Variants in F13A1 observed in about 807,000 individuals in gnomAD.
The protein encoded by F13A1 is coagulation factor XIII A chain.
Under a neutral mutation model 80.1 loss-of-function variants are expected in F13A1, and 47 were observed. The ratio of observed to expected loss-of-function variants is 0.59; its 90% CI spans 0.46 to 0.75. The LOEUF (loss-of-function observed/expected upper bound fraction) is 0.75. Ranked by LOEUF, F13A1 falls within the 30% of genes least tolerant of loss-of-function variation. The pLI is 0.00. For synonymous variants in F13A1, 349 were observed against 344.9 expected (o/e 1.01, Z -0.13); for missense variants, 817 against 930.4 (o/e 0.88, Z 1.59).
intron 13 of F13A1, among the ~76,000 whole-genome samples, chr6:6,163,720 G>A (rs1407438620): frequency 1.3e-5 from 2 of 152,146 alleles, no homozygotes; most frequent in African/African-American, 4.8e-5. Flanking sequence ...ACCATTGATG[G>A]GCATTTAGGT....
intron 3 of F13A1, among the ~76,000 whole-genome samples, chr6:6,301,898 A>G (rs1758437550): frequency 6.6e-6 from 1 of 152,156 alleles, no homozygotes; most frequent in African/African-American, 2.4e-5. Context: ...GCTAGAGTTC[A>G]CCTTGAGATC....
chr6:6,291,667 A>G (rs2113157871), intron 3 of F13A1, among the ~76,000 whole-genome samples: 1 of 152,234 alleles, frequency 6.6e-6, no homozygotes, highest in Non-Finnish European at 1.5e-5. Flanking sequence ...GTGACACTGC[A>G]ACCCCCTTAT....
chr6:6,181,179 GCTT>G (rs1438565656), intron 11 of F13A1, among the ~76,000 whole-genome samples: 4 of 152,144 alleles, frequency 2.6e-5, no homozygotes, highest in African/African-American at 9.7e-5. Context: ...CCCCTGTCCA[GCTT>G]CTTTAACCGA....
intron 3 of F13A1, among the ~76,000 whole-genome samples, chr6:6,282,461 A>G (rs964131140): frequency 3.3e-5 from 5 of 152,212 alleles, no homozygotes; most frequent in Non-Finnish European, 7.3e-5. Flanking sequence ...CATTCTATCA[A>G]TAATAATTTT....
intron 8 of F13A1, among the ~76,000 whole-genome samples, chr6:6,213,301 G>A (rs1203404646): frequency 6.6e-6 from 1 of 151,924 alleles, no homozygotes; most frequent in Non-Finnish European, 1.5e-5. Context: ...TACCCTCAAA[G>A]GGAAGCCCAT....
chr6:6,305,795 A>G (rs1169386519), intron 2 of F13A1: 1 of 491,874 alleles, frequency 2.0e-6, no homozygotes, highest in East Asian at 3.9e-5. Flanking sequence ...ACTGTGGGAT[A>G]GATGGATGCC....
intron 6 of F13A1, among the ~76,000 whole-genome samples, chr6:6,239,328 G>C (rs893949918): frequency 1.3e-5 from 2 of 152,122 alleles, no homozygotes; most frequent in African/African-American, 4.8e-5. Flanking sequence ...GGTGGGGATT[G>C]ACCGGAAGAA....
chr6:6,254,712 T>A (rs1390965867), intron 4 of F13A1, among the ~76,000 whole-genome samples: 3 of 152,178 alleles, frequency 2.0e-5, no homozygotes, highest in African/African-American at 7.2e-5. Flanking sequence ...AATGTACATG[T>A]GTGTTTATTT....
intron 2 of F13A1, among the ~76,000 whole-genome samples, chr6:6,310,521 G>A (rs961852180): frequency 6.6e-6 from 1 of 152,042 alleles, no homozygotes; most frequent in African/African-American, 2.4e-5. Flanking sequence ...TATTGTTGTT[G>A]TTATTATTAT....
intron 3 of F13A1, among the ~76,000 whole-genome samples, chr6:6,285,228 A>G (rs1173052021): frequency 6.6e-6 from 1 of 152,220 alleles, no homozygotes; most frequent in Admixed American, 6.5e-5. Context: ...CGGCATGGGC[A>G]CCAGAGCGAG....
intron 10 of F13A1, among the ~76,000 whole-genome samples, chr6:6,190,327 G>A (rs1761162794): frequency 6.6e-6 from 1 of 152,186 alleles, no homozygotes. Context: ...CAGTTTTTCT[G>A]CTCTGTTTTT....
Position 6,145,336 on chromosome 6 carries a change from A to G in F13A1, c.*283T>C. The G allele has an allele frequency of 2.3e-6, 1 of 444,242 alleles. No individual in the cohort carries two copies. The allele number at this position is 444,242 out of a possible 1,614,324, so 27.5% of individuals were successfully genotyped here. On this transcript the variant is annotated 3_prime_UTR_variant, in exon 15 of 15. Coordinates refer to ENST00000264870, the MANE Select transcript of F13A1 (RefSeq NM_000129.4). ...TTTGGAGATGTAGCCATTTGTGATG[A>G]TAAATGATGACTGTTACTCTTATGA... is the stretch of plus-strand genomic sequence containing the variant.
intron 13 of F13A1, among the ~76,000 whole-genome samples, chr6:6,156,766 A>AT (rs1455967661): frequency 6.6e-6 from 1 of 152,240 alleles, no homozygotes; most frequent in Non-Finnish European, 1.5e-5. Flanking sequence ...ACCTAGGGCT[A>AT]TTTATAATTA....
intron 3 of F13A1, among the ~76,000 whole-genome samples, chr6:6,275,003 G>A (rs548875377): frequency 6.6e-6 from 1 of 152,208 alleles, no homozygotes; most frequent in African/African-American, 2.4e-5. Context: ...TGTAGAGTGT[G>A]TCCTAGGGAG....
rs73718705 is a variant in F13A1, at chr6:6,277,602, G to A, written c.320-10793C>T. ...TGACTAACTAACTCACATTCCACCA[G>A]CCACAACTACAGTTTTGATTGCGTA... On this transcript the variant is annotated intron_variant, in intron 3 of 14. Coordinates refer to ENST00000264870, the MANE Select transcript of F13A1 (RefSeq NM_000129.4). 4.6e-3 allele frequency among the ~76,000 whole-genome samples: 693 copies of A among 152,250 alleles called. 9 individuals are homozygous for A. The highest frequency in any genetic ancestry group is 0.016 in the African/African-American group (673 of 41,554).
At chr6:6,218,866 T>C (rs1328696585) in intron 8 of F13A1, among the ~76,000 whole-genome samples, 1 of 152,122 alleles carries the variant, frequency 6.6e-6, no homozygotes, top group Non-Finnish European at 1.5e-5. Context: ...AATACACCTC[T>C]CACACCCTCT....
At chr6:6,175,299 C>G (rs1260280599) in intron 11 of F13A1, among the ~76,000 whole-genome samples, 1 of 152,190 alleles carries the variant, frequency 6.6e-6, no homozygotes, top group South Asian at 2.1e-4. Context: ...TAACTTTTCT[C>G]TCTGATTTGT....
chr6:6,243,132 C>T lies in F13A1; in HGVS notation c.798+5180G>A, dbSNP rs944897878. 5.9e-5 allele frequency among the ~76,000 whole-genome samples: 9 copies of T among 151,894 alleles called. No individual in the cohort carries two copies. Among genetic ancestry groups the T allele is most frequent in the African/African-American group, 2.2e-4 (9 of 41,330 alleles). ...CCACCACCACTACCACTATCACCACCATCATAAATCACCACCACCACCACA... is the reference window on the plus strand; with the variant it reads ...CCACCACCACTACCACTATCACCACTATCATAAATCACCACCACCACCACA... On this transcript the variant is annotated intron_variant, in intron 6 of 14. Transcript: ENST00000264870. This position sits in a 1 kb window ranked among gnomAD's most constrained non-coding sequence, Gnocchi z 4.2.
intron 4 of F13A1, among the ~76,000 whole-genome samples, chr6:6,264,248 T>C (rs1234895280): frequency 6.6e-6 from 1 of 152,202 alleles, no homozygotes; most frequent in East Asian, 1.9e-4. Context: ...TGCAGACACA[T>C]ATCCCATTTA....
Sources: allele counts gnomAD v4.1 joint callset (sites outside exome capture counted in the v4.1 genomes callset), GRCh38; gene constraint gnomAD v4.1.1; non-coding constraint Gnocchi (gnomAD v3.1); transcripts MANE v1.5; gene names NCBI Gene and HGNC (gene_info 2026-07-23, HGNC 2026-07-21).